The following TBC1D5 variants were observed in gnomAD, a reference collection of about 807,000 sequenced individuals.
TBC1D5 encodes the protein TBC1 domain family member 5.
In TBC1D5, 75 loss-of-function variants were observed where a neutral mutation model predicts 100.3. That is an observed-to-expected ratio of 0.75 (90% CI 0.62 to 0.91). The LOEUF is 0.91. Among genes scored for constraint, TBC1D5 ranks in the 40% least tolerant of loss-of-function variants. The pLI, the probability that TBC1D5 is intolerant of heterozygous loss-of-function variation, is 0.00. For missense variants in TBC1D5, 910 were observed against 942.4 expected (o/e 0.97, Z 0.45); for synonymous variants, 323 against 325.6 (o/e 0.99, Z 0.09).
rs572909030 is a variant in TBC1D5, at chr3:17,666,674, A to C, written c.-100-42761T>G. Among the ~76,000 whole-genome samples, 3 of 152,196 alleles carry C rather than the reference A, an allele frequency of 2.0e-5. No homozygotes were observed. In the East Asian group the frequency reaches 5.8e-4, roughly 29 times the overall value. ...GATTTGGAAGAATTGTTGCTCCATA[A>C]ACTTCAGTGATTTCTTAGTAAAATC... On this transcript the variant is annotated intron_variant, in intron 1 of 21. Transcript: ENST00000253692.
intron 17 of TBC1D5, 121 bp from the exon 19 acceptor site, chr3:17,214,491 A>C (rs749441262): frequency 7.0e-6 from 7 of 1,005,514 alleles, no homozygotes; most frequent in Non-Finnish European, 1.0e-5. Context: ...TATCAACATA[A>C]TGACACTATG....
intron 13 of TBC1D5, among the ~76,000 whole-genome samples, chr3:17,356,832 C>T (rs1240214917): frequency 1.3e-5 from 2 of 152,114 alleles, no homozygotes; most frequent in Non-Finnish European, 2.9e-5. Flanking sequence ...GAGCTAGTCT[C>T]CCATTCTCTT....
intron 1 of TBC1D5, among the ~76,000 whole-genome samples, chr3:17,699,648 T>G (rs1235376495): frequency 8.9e-6 from 1 of 111,946 alleles, no homozygotes; most frequent in Non-Finnish European, 1.9e-5. Flanking sequence ...AAATCATCAG[T>G]TATTGTTAAA....
intron 1 of TBC1D5, among the ~76,000 whole-genome samples, chr3:17,715,422 T>C (rs906408628): frequency 1.3e-5 from 2 of 152,214 alleles, no homozygotes; most frequent in African/African-American, 4.8e-5. Flanking sequence ...GGGGGGCATA[T>C]GCAATTTGGG....
chr3:17,173,385 TG>T (rs2067362786), intron 19 of TBC1D5, among the ~76,000 whole-genome samples: 1 of 152,254 alleles, frequency 6.6e-6, no homozygotes, highest in Non-Finnish European at 1.5e-5. Flanking sequence ...CTGATCGAAG[TG>T]AGGTCAGCCA....
chr3:17,371,091 A>C (rs930701029), intron 13 of TBC1D5, among the ~76,000 whole-genome samples: 1 of 151,486 alleles, frequency 6.6e-6, no homozygotes, highest in Non-Finnish European at 1.5e-5. Context: ...ACACACACAC[A>C]CACATGCACA....
At chr3:17,719,587 C>A (rs1488639665) in intron 1 of TBC1D5, among the ~76,000 whole-genome samples, 2 of 152,122 alleles carry the variant, frequency 1.3e-5, no homozygotes, top group Non-Finnish European at 2.9e-5. Flanking sequence ...TGAATAAACT[C>A]TACTTAACAA....
intron 3 of TBC1D5, among the ~76,000 whole-genome samples, chr3:17,448,592 G>A (rs542529979): frequency 6.6e-6 from 1 of 152,318 alleles, no homozygotes; most frequent in African/African-American, 2.4e-5. Flanking sequence ...CATTAATCTT[G>A]TACATCTCTA....
chr3:17,643,075 G>T (rs539510017), intron 1 of TBC1D5, among the ~76,000 whole-genome samples: 45 of 152,052 alleles, frequency 3.0e-4, no homozygotes, highest in Non-Finnish European at 5.6e-4. Context: ...TCCTATCCAG[G>T]ATTCCACATT....
chr3:17,486,661 G>A lies in TBC1D5; in HGVS notation c.97+21813C>T, dbSNP rs904600478. On this transcript the variant is annotated intron_variant, in intron 3 of 21. Coordinates refer to ENST00000253692, the Ensembl canonical transcript of TBC1D5. ...GAAATCTAGTCAAAACTTAAACAGA[G>A]GAAAGATTAATAAAGACGGGCTGCA... 1.3e-4 allele frequency among the ~76,000 whole-genome samples: 20 copies of A among 152,242 alleles called. No homozygotes were observed. The East Asian group carries it at 3.5e-3, about 26-fold the overall frequency.
chr3:17,277,957 T>G (rs771314380), intron 15 of TBC1D5, among the ~76,000 whole-genome samples: 1 of 152,186 alleles, frequency 6.6e-6, no homozygotes, highest in Non-Finnish European at 1.5e-5. Flanking sequence ...AAATACAGAA[T>G]AGTCCTATAA....
chr3:17,497,380 G>A (rs1291517148), intron 3 of TBC1D5, among the ~76,000 whole-genome samples: 1 of 152,116 alleles, frequency 6.6e-6, no homozygotes. Flanking sequence ...AAAGCAAGTG[G>A]TCTACTTTTT....
rs149746582 is a variant in TBC1D5, at chr3:17,539,531, GCTTT to G, written c.-35-30930_-35-30927del. 3.5e-3 allele frequency among the ~76,000 whole-genome samples: 527 copies of G among 150,454 alleles called. 3 individuals are homozygous for G. The highest frequency in any genetic ancestry group is 0.013 in the African/African-American group (512 of 40,056). On this transcript the variant is annotated intron_variant, in intron 2 of 21. Transcript: ENST00000253692. ...CAGGGCCTGCTATCTGTCATGTGAT[GCTTT>G]CTTTAGTCAGGCTGGAATTTGGTGT...
At chr3:17,706,236 C>T (rs2074146758) in intron 1 of TBC1D5, 1 of 1,548,942 alleles carries the variant, frequency 6.5e-7, no homozygotes, top group African/African-American at 1.4e-5. Flanking sequence ...GCGGCGGCCA[C>T]CACATTGATA....
At chr3:17,342,001 T>C (rs918169079) in intron 13 of TBC1D5, among the ~76,000 whole-genome samples, 1 of 152,200 alleles carries the variant, frequency 6.6e-6, no homozygotes, top group Non-Finnish European at 1.5e-5. Flanking sequence ...CATTTCTTAA[T>C]AGATGCTCCA....
At chr3:17,631,862 C>A (rs967562215) in intron 1 of TBC1D5, among the ~76,000 whole-genome samples, 2 of 152,256 alleles carry the variant, frequency 1.3e-5, no homozygotes. Context: ...ATGTGCCTGG[C>A]CACCCAAGAG....
At chr3:17,595,686 T>C (rs1241833555) in intron 2 of TBC1D5, among the ~76,000 whole-genome samples, 1 of 4,728 alleles carries the variant, frequency 2.1e-4, no homozygotes, top group South Asian at 0.018. Context: ...GTAAAGTCAT[T>C]AGAAAAGCAA....
chr3:17,407,307 T>A (rs1187099696), intron 4 of TBC1D5, among the ~76,000 whole-genome samples: 5 of 152,134 alleles, frequency 3.3e-5, no homozygotes. Context: ...TGAGTTTGAA[T>A]AAAGCAATTA....
intron 1 of TBC1D5, among the ~76,000 whole-genome samples, chr3:17,688,208 C>CATATATACAAATACATATACTAGTAT (rs2070604782): frequency 6.6e-6 from 1 of 151,942 alleles, no homozygotes; most frequent in Non-Finnish European, 1.5e-5. Context: ...TATCAATATA[C>CATATATACAAATACATATACTAGTAT]ATATATACAA....
Sources: gnomAD v4.1 joint callset for allele counts (sites outside exome capture counted in the v4.1 genomes callset) on GRCh38, gnomAD v4.1.1 for gene constraint, MANE v1.5 for transcripts, NCBI Gene and HGNC (gene_info 2026-07-23, HGNC 2026-07-21) for gene names.